The following KCNQ3 variants were observed in gnomAD, a reference collection of about 807,000 sequenced individuals.
The protein encoded by KCNQ3 is potassium voltage-gated channel subfamily KQT member 3.
In KCNQ3, 30 loss-of-function variants were observed where a neutral mutation model predicts 92.5. That is an observed-to-expected ratio of 0.32 (90% confidence interval 0.24 to 0.44). The LOEUF (loss-of-function observed/expected upper bound fraction) is 0.44. KCNQ3 is among the 20% of genes least tolerant of loss of function. The probability of loss-of-function intolerance (pLI) is 1.00; values close to 1 mark genes in which losing one functional copy is unlikely to be tolerated. For synonymous variants in KCNQ3, 450 were observed against 468.8 expected, an observed-to-expected ratio of 0.96 and a Z score of 0.52; for missense variants, 913 against 1,140.3, an observed-to-expected ratio of 0.80 and a Z score of 2.87.
chr8:132,247,719 AC>A (rs754803684), intron 1 of KCNQ3, among the ~76,000 whole-genome samples: 5 of 151,512 alleles, frequency 3.3e-5, no homozygotes, highest in Non-Finnish European at 7.4e-5. Context: ...AATCGCTTGA[AC>A]CCAGGAGGCG....
intron 1 of KCNQ3, among the ~76,000 whole-genome samples, chr8:132,364,559 G>A (rs1819260106): frequency 6.6e-6 from 1 of 152,154 alleles, no homozygotes; most frequent in African/African-American, 2.4e-5. Flanking sequence ...ATTCCAGAAG[G>A]CAAGATACAG....
chr8:132,365,634 C>T (rs1819300600), intron 1 of KCNQ3, among the ~76,000 whole-genome samples: 1 of 152,094 alleles, frequency 6.6e-6, no homozygotes, highest in South Asian at 2.1e-4. Context: ...ATTGTACATG[C>T]CTCAAAGTTT....
At chr8:132,443,393 G>A (rs1173498686) in intron 1 of KCNQ3, among the ~76,000 whole-genome samples, 14 of 152,146 alleles carry the variant, frequency 9.2e-5, no homozygotes. Flanking sequence ...TAATTGGGTA[G>A]TTTCTAGGGC....
intron 1 of KCNQ3, among the ~76,000 whole-genome samples, chr8:132,344,462 T>G (rs1461056110): frequency 1.3e-5 from 2 of 152,204 alleles, no homozygotes; most frequent in Non-Finnish European, 1.5e-5. Flanking sequence ...TTGTTCTAAG[T>G]GCTGAGCACT....
chr8:132,364,042 C>G (rs1038922834), intron 1 of KCNQ3, among the ~76,000 whole-genome samples: 1 of 151,856 alleles, frequency 6.6e-6, no homozygotes, highest in African/African-American at 2.4e-5. Flanking sequence ...CATTTGTGAC[C>G]CTGATATTTG....
At chr8:132,360,747 TC>T (rs765697951) in intron 1 of KCNQ3, among the ~76,000 whole-genome samples, 3 of 152,220 alleles carry the variant, frequency 2.0e-5, no homozygotes, top group East Asian at 3.9e-4. Context: ...GGTCCATACC[TC>T]CCTTGTGTAT....
chr8:132,447,377 T>C, intron 1 of KCNQ3: 1 of 798,742 alleles, frequency 1.3e-6, no homozygotes, highest in Non-Finnish European at 2.1e-6. Flanking sequence ...AGGACACAGA[T>C]GTGGAGAAGA....
intron 1 of KCNQ3, among the ~76,000 whole-genome samples, chr8:132,446,890 G>A (rs1007229219): frequency 2.6e-5 from 4 of 152,206 alleles, no homozygotes; most frequent in East Asian, 1.9e-4. Flanking sequence ...AGGAGGAGAC[G>A]AATTTAAAGC....
chr8:132,134,480 G>T, intron 12 of KCNQ3, 92 bp from the exon 13 acceptor site: 1 of 938,734 alleles, frequency 1.1e-6, no homozygotes. Context: ...AATGAGATAA[G>T]GGTTTGGAAT....
chr8:132,347,063 C>T (rs1470173063), intron 1 of KCNQ3, among the ~76,000 whole-genome samples: 2 of 152,150 alleles, frequency 1.3e-5, no homozygotes, highest in East Asian at 1.9e-4. Flanking sequence ...GGCGGATTCA[C>T]GCAGGTAGGA....
chr8:132,372,522 G>A lies in KCNQ3; in HGVS notation c.386+107625C>T, dbSNP rs974493608. ...TGTAATCCCAGCACTTTGGGAGGCC[G>A]AGGCTGGTGGATCACTTGAGGTCAG... On this transcript the variant is annotated intron_variant, in intron 1 of 14. Transcript: ENST00000388996. Among the ~76,000 whole-genome samples the A allele has an allele frequency of 2.0e-4, 30 of 152,022 alleles. 1 individual carries two copies. The highest frequency in any genetic ancestry group is 1.2e-3 in the Admixed American group (19 of 15,262).
chr8:132,326,015 G>A (rs1227417765), intron 1 of KCNQ3, among the ~76,000 whole-genome samples: 1 of 152,182 alleles, frequency 6.6e-6, no homozygotes, highest in African/African-American at 2.4e-5. Context: ...GGAGGCAAGT[G>A]GCCACCCTCA....
At chr8:132,152,193 G>A (rs1430066003) in intron 9 of KCNQ3, among the ~76,000 whole-genome samples, 13 of 152,154 alleles carry the variant, frequency 8.5e-5, no homozygotes, top group Admixed American at 2.0e-4. Flanking sequence ...AGGAAAAAAT[G>A]TACAGGACTC....
chr8:132,464,505 G>A (rs1042529849), intron 1 of KCNQ3, among the ~76,000 whole-genome samples: 1 of 152,146 alleles, frequency 6.6e-6, no homozygotes, highest in South Asian at 2.1e-4. Flanking sequence ...GTCCTCATTC[G>A]CTTTACACAG....
intron 1 of KCNQ3, among the ~76,000 whole-genome samples, chr8:132,471,004 C>T (rs1348440641): frequency 3.3e-5 from 5 of 152,214 alleles, no homozygotes; most frequent in African/African-American, 9.6e-5. Context: ...TCTCATTATA[C>T]ACAAGTTTGA....
intron 1 of KCNQ3, among the ~76,000 whole-genome samples, chr8:132,342,323 C>CT (rs145034759): frequency 0.17 from 25,123 of 149,980 alleles, 2,506 homozygotes; most frequent in African/African-American, 0.28. Context: ...TTTCTTTTTT[C>CT]TTTTTTTTTA....
chr8:132,268,412 T>G (rs1816055437), intron 1 of KCNQ3, among the ~76,000 whole-genome samples: 1 of 151,996 alleles, frequency 6.6e-6, no homozygotes, highest in Admixed American at 6.6e-5. Context: ...GCATGTGTCA[T>G]CACACCTGGC....
chr8:132,185,671 A>C (rs1023887592), intron 2 of KCNQ3, among the ~76,000 whole-genome samples: 2 of 152,220 alleles, frequency 1.3e-5, no homozygotes, highest in African/African-American at 4.8e-5. Flanking sequence ...TCGTGTATAA[A>C]TGGAATTCTG....
intron 9 of KCNQ3, among the ~76,000 whole-genome samples, chr8:132,159,781 TAA>T (rs1415821859): frequency 6.6e-6 from 1 of 152,178 alleles, no homozygotes; most frequent in Non-Finnish European, 1.5e-5. Flanking sequence ...TCCCTCAGTT[TAA>T]GTTGGGTGGA....
Sources: allele counts gnomAD v4.1 joint callset (sites outside exome capture counted in the v4.1 genomes callset), GRCh38; gene constraint gnomAD v4.1.1; transcripts MANE v1.5; gene names NCBI Gene and HGNC (gene_info 2026-07-23, HGNC 2026-07-21).